The following OPRM1 variants were observed in gnomAD, a reference collection of about 807,000 sequenced individuals.
OPRM1 encodes opioid receptor mu 1.
In OPRM1, 27 loss-of-function variants were observed where a neutral mutation model predicts 31.8. The observed-to-expected ratio is 0.85, with a 90% CI of 0.63 to 1.17. The LOEUF is 1.17. Ranked by LOEUF, OPRM1 falls within the 50% of genes most tolerant of loss-of-function variation. OPRM1 has a pLI of 0.00. For synonymous variants in OPRM1, 196 were observed against 189.9 expected, an observed-to-expected ratio of 1.03 and a Z score of -0.26; for missense variants, 536 against 511.1, an observed-to-expected ratio of 1.05 and a Z score of -0.47.
intron 3 of OPRM1, among the ~76,000 whole-genome samples, chr6:154,151,233 T>C (rs1798491569): frequency 6.6e-6 from 1 of 152,314 alleles, no homozygotes; most frequent in South Asian, 2.1e-4. Flanking sequence ...AAATGGAGTC[T>C]TGGGACCGTG....
At chr6:154,039,129 C>A, upstream of OPRM1, 1 of 1,543,910 alleles carries the variant, frequency 6.5e-7, no homozygotes. Flanking sequence ...CTATCTCTCT[C>A]CCCAACCCTT....
chr6:154,197,560 G>T (rs1262374805), intron 3 of OPRM1, among the ~76,000 whole-genome samples: 5 of 152,216 alleles, frequency 3.3e-5, no homozygotes, highest in African/African-American at 9.7e-5. Flanking sequence ...TACAGATTTT[G>T]CTGGTCACTC....
At chr6:154,013,954 A>G (rs1275435673) in intron 1 of OPRM1, among the ~76,000 whole-genome samples, 1 of 152,166 alleles carries the variant, frequency 6.6e-6, no homozygotes, top group Non-Finnish European at 1.5e-5. Flanking sequence ...CAAAGAACAG[A>G]GCAGGTCATC....
Position 154,074,621 on chromosome 6 carries a change from G to A in OPRM1, c.291-15205G>A, listed in dbSNP as rs753850381. On this transcript the variant is annotated intron_variant, in intron 1 of 3. Coordinates refer to ENST00000330432, the MANE Select transcript of OPRM1 (RefSeq NM_000914.5). ...CTAAAAATACAAAAATTAGCCAGGCGTGGTGGTACACTCCTGTAGTCCCAG... is the reference window on the plus strand; with the variant it reads ...CTAAAAATACAAAAATTAGCCAGGCATGGTGGTACACTCCTGTAGTCCCAG... Among the ~76,000 whole-genome samples, 105 of 152,008 alleles carry A rather than the reference G, an allele frequency of 6.9e-4. 1 individual carries two copies. Among genetic ancestry groups the A allele is most frequent in the South Asian group, 2.1e-4 (1 of 4,818 alleles).
At chr6:154,160,007 A>G in intron 3 of OPRM1, 1 of 1,612,516 alleles carries the variant, frequency 6.2e-7, no homozygotes, top group Non-Finnish European at 8.5e-7. Flanking sequence ...TCATCCAGCA[A>G]CTGGTTAATC....
intron 1 of OPRM1, among the ~76,000 whole-genome samples, chr6:154,067,880 CT>C (rs1291267561): frequency 1.3e-5 from 2 of 151,872 alleles, no homozygotes; most frequent in African/African-American, 4.8e-5. Flanking sequence ...CATATAATGC[CT>C]TTCTTTGTCA....
chr6:154,178,957 C>A (rs1399079774), intron 3 of OPRM1, among the ~76,000 whole-genome samples: 1 of 152,122 alleles, frequency 6.6e-6, no homozygotes, highest in Non-Finnish European at 1.5e-5. Flanking sequence ...AAGAAAATAC[C>A]CTTATTGGCT....
intron 3 of OPRM1, among the ~76,000 whole-genome samples, chr6:154,203,858 T>C (rs1414514646): frequency 6.6e-6 from 1 of 152,188 alleles, no homozygotes; most frequent in Non-Finnish European, 1.5e-5. Context: ...TTATTCAGCC[T>C]CTGGGGGAGG....
intron 3 of OPRM1, among the ~76,000 whole-genome samples, chr6:154,222,374 TAA>T (rs1217114142): frequency 9.2e-5 from 14 of 152,160 alleles, no homozygotes; most frequent in Admixed American, 8.5e-4. Flanking sequence ...CTAACCTTGT[TAA>T]AAGAAAACTA....
rs577860314 is a variant in OPRM1, at chr6:154,121,153, T to A, written c.*2432T>A. Among the ~76,000 whole-genome samples the A allele has an allele frequency of 6.6e-6, 1 of 152,306 alleles. No individual in the cohort carries two copies. The highest frequency in any genetic ancestry group is 1.9e-4 in the East Asian group (1 of 5,188). ...TTTTTTCTTCCTTCTAATTTCACCCTTGCCTAAGGATGAGATTTCTTCCCA... is the reference window on the plus strand; with the variant it reads ...TTTTTTCTTCCTTCTAATTTCACCCATGCCTAAGGATGAGATTTCTTCCCA... On this transcript the variant is annotated 3_prime_UTR_variant, in exon 4 of 4. Coordinates refer to ENST00000330432, the MANE Select transcript of OPRM1 (RefSeq NM_000914.5).
chr6:154,086,957 A>G, intron 1 of OPRM1: 2 of 984,294 alleles, frequency 2.0e-6, no homozygotes, highest in Non-Finnish European at 2.4e-6. Context: ...CACAGTTTTA[A>G]TTTTGCTTTT....
At chr6:154,133,263 G>T (rs755353727), downstream of OPRM1, among the ~76,000 whole-genome samples, 3 of 152,154 alleles carry the variant, frequency 2.0e-5, no homozygotes, top group Non-Finnish European at 4.4e-5. Flanking sequence ...TCTCTACATG[G>T]TATTACCAGA....
In OPRM1 at chr6:154,229,346, G is replaced by GTTTTT. The variant is rs34462600; in HGVS notation, c.1165-17330_1165-17326dup. On this transcript the variant is annotated intron_variant, in intron 3 of 3. Transcript: ENST00000337049. ...GAAGGCAGTGTGGAAAAGTTTGCCG[G>GTTTTT]TTTTTTTTTTTTTTTTTTTTTGAGA... Among the ~76,000 whole-genome samples, 3 of 112,680 alleles carry GTTTTT rather than the reference G, an allele frequency of 2.7e-5. 1 individual carries two copies. The highest frequency in any genetic ancestry group is 1.8e-5 in the Non-Finnish European group (1 of 56,684). The allele number at this position is 112,680 out of a possible 152,430, so 73.9% of individuals were successfully genotyped here. A position where few individuals can be genotyped will look rare whatever the true frequency, so the allele number is the denominator to read the frequency against.
At chr6:154,089,084 G>A (rs750030448) in intron 1 of OPRM1, among the ~76,000 whole-genome samples, 4 of 151,916 alleles carry the variant, frequency 2.6e-5, no homozygotes, top group Non-Finnish European at 5.9e-5. Context: ...CCCCATAATC[G>A]CCTGTGTGTT....
intron 1 of OPRM1, among the ~76,000 whole-genome samples, chr6:154,065,082 A>C (rs1014070861): frequency 2.0e-5 from 3 of 152,082 alleles, no homozygotes; most frequent in Non-Finnish European, 4.4e-5. Context: ...ATTGTATGAC[A>C]TCTTAACAGT....
At chr6:154,201,661 G>A (rs951648983) in intron 3 of OPRM1, among the ~76,000 whole-genome samples, 13 of 152,196 alleles carry the variant, frequency 8.5e-5, no homozygotes, top group Admixed American at 2.0e-4. Flanking sequence ...TTGGGAGGCC[G>A]AGGTGGGCAG....
At chr6:154,155,405 G>C (rs1279756705) in intron 3 of OPRM1, 1 of 152,196 alleles carries the variant, frequency 6.6e-6, no homozygotes, top group Non-Finnish European at 1.5e-5. Context: ...TCATATTCTT[G>C]TTAGACTGAA....
At chr6:154,028,146 G>A (rs1018461714) in intron 1 of OPRM1, among the ~76,000 whole-genome samples, 1 of 152,122 alleles carries the variant, frequency 6.6e-6, no homozygotes, top group Non-Finnish European at 1.5e-5. Flanking sequence ...CATAGTACCT[G>A]AGTATTGCTG....
chr6:154,235,269 G>T (rs192572358), intron 3 of OPRM1, among the ~76,000 whole-genome samples: 1 of 152,232 alleles, frequency 6.6e-6, no homozygotes, highest in Admixed American at 6.5e-5. Context: ...GGTGGCTCAC[G>T]CCTGTAATCC....
Sources: gnomAD v4.1 joint callset for allele counts (sites outside exome capture counted in the v4.1 genomes callset) on GRCh38, gnomAD v4.1.1 for gene constraint, MANE v1.5 for transcripts, NCBI Gene and HGNC (gene_info 2026-07-23, HGNC 2026-07-21) for gene names.